SLC18B1: variants seen among roughly 807,000 people sequenced by gnomAD.
The protein encoded by SLC18B1 is MFS-type transporter SLC18B1.
A neutral mutation model predicts 53.9 loss-of-function variants in SLC18B1; 62 were observed. The ratio of observed to expected loss-of-function variants is 1.15; its 90% CI spans 0.94 to 1.42. The LOEUF (loss-of-function observed/expected upper bound fraction) is 1.42. Ranked by LOEUF, SLC18B1 falls within the 40% of genes most tolerant of loss-of-function variation. SLC18B1 has a pLI of 0.00. For missense variants in SLC18B1, 598 were observed against 547.3 expected (o/e 1.09, Z -0.93); for synonymous variants, 217 against 200.9 (o/e 1.08, Z -0.68).
intron 3 of SLC18B1, 47 bp from the exon 4 acceptor site, chr6:132,789,884 G>T: frequency 7.5e-7 from 1 of 1,335,454 alleles, no homozygotes; most frequent in Non-Finnish European, 1.1e-6. Flanking sequence ...ACTTCCGAAA[G>T]TCTATATTGA....
At chr6:132,796,532 G>GAAAAAAAAAAAAAAAA (rs56286125) in intron 2 of SLC18B1, among the ~76,000 whole-genome samples, 1 of 77,890 alleles carries the variant, frequency 1.3e-5, no homozygotes, top group African/African-American at 4.9e-5. Context: ...GTCTCGAAAG[G>GAAAAAAAAAAAAAAAA]AAAAAAAAAA....
chr6:132,786,984 G>A (rs901702032), intron 5 of SLC18B1, among the ~76,000 whole-genome samples: 4 of 152,192 alleles, frequency 2.6e-5, no homozygotes, highest in African/African-American at 9.7e-5. Flanking sequence ...AGGACTTTGA[G>A]ATGATTTCTA....
intron 8 of SLC18B1, among the ~76,000 whole-genome samples, chr6:132,774,765 G>T (rs1781060231): frequency 2.0e-5 from 3 of 151,980 alleles, no homozygotes; most frequent in South Asian, 4.1e-4. Context: ...ACAAAAATTA[G>T]CTGGGCAGGG....
intron 13 of SLC18B1, 24 bp downstream of exon 13, chr6:132,770,866 A>G (rs771856913): frequency 3.8e-6 from 6 of 1,591,630 alleles, no homozygotes; most frequent in East Asian, 4.5e-5. Context: ...AAAGAGAGAA[A>G]AAAAGCCCCA....
At chr6:132,794,199 G>A (rs1036844680) in intron 2 of SLC18B1, among the ~76,000 whole-genome samples, 4 of 151,394 alleles carry the variant, frequency 2.6e-5, no homozygotes, top group Admixed American at 2.6e-4. Context: ...CACCTCCTGG[G>A]TTCAAGCAAT....
intron 11 of SLC18B1, 39 bp from the exon 12 acceptor site, chr6:132,771,168 AAAAT>A: frequency 1.3e-6 from 2 of 1,539,082 alleles, no homozygotes; most frequent in Middle Eastern, 1.7e-4. Flanking sequence ...AATAGTGCAA[AAAAT>A]AAATAATTAC....
At position 132,772,193 on chromosome 6, in the gene SLC18B1, CA is replaced by C; in HGVS notation, c.1098del (p.Phe366LeufsTer5). On this transcript the variant is annotated frameshift_variant, in exon 11 of 14. Coordinates refer to ENST00000275227, the MANE Select transcript of SLC18B1 (RefSeq NM_052831.3). LOFTEE classifies it high-confidence loss of function. ...AGTCCCAATGTACTTAATCCCTCTT[CA>C]AACCCATTTTCACTGCAAAAAGAGA... ...EILSCAHENG[F>X]EEGLSTLGLV... is the part of the protein sequence containing the mutation. 1 of 1,570,912 alleles carries C rather than the reference CA, an allele frequency of 6.4e-7. No homozygotes were observed. Among genetic ancestry groups the C allele is most frequent in the Non-Finnish European group, 8.6e-7 (1 of 1,165,090 alleles).
intron 2 of SLC18B1, 27 bp from the exon 3 acceptor site, chr6:132,790,299 G>C: frequency 1.4e-6 from 2 of 1,472,928 alleles, no homozygotes; most frequent in Non-Finnish European, 1.8e-6. Context: ...CGGAAACAAA[G>C]TTTCAAAGAA....
At chr6:132,795,367 T>C (rs1781649692) in intron 2 of SLC18B1, among the ~76,000 whole-genome samples, 1 of 152,170 alleles carries the variant, frequency 6.6e-6, no homozygotes, top group Non-Finnish European at 1.5e-5. Context: ...AACCTCTAGT[T>C]AATAGAACTG....
At chr6:132,785,002 G>A (rs1227489043) in intron 5 of SLC18B1, among the ~76,000 whole-genome samples, 1 of 149,318 alleles carries the variant, frequency 6.7e-6, no homozygotes, top group African/African-American at 2.5e-5. Context: ...TACCATTTGT[G>A]TAAAGAAAAA....
chr6:132,794,724 C>T (rs1309037939), intron 2 of SLC18B1, among the ~76,000 whole-genome samples: 9 of 152,134 alleles, frequency 5.9e-5, no homozygotes, highest in African/African-American at 9.7e-5. Flanking sequence ...AGGCCAGGTG[C>T]GGTGGCTCAC....
At chr6:132,779,520 C>A in intron 6 of SLC18B1, 116 bp from the exon 7 acceptor site, 2 of 1,180,518 alleles carry the variant, frequency 1.7e-6, no homozygotes, top group South Asian at 1.6e-5. Flanking sequence ...ATGACTCAAT[C>A]TCTGAGTTTG....
chr6:132,781,757 T>TA (rs67568708), intron 6 of SLC18B1, among the ~76,000 whole-genome samples: 355 of 136,986 alleles, frequency 2.6e-3, no homozygotes, highest in Non-Finnish European at 4.0e-3. Context: ...ACTCTGTCTT[T>TA]AAAAAAAAAA....
At chr6:132,797,200 T>C in intron 1 of SLC18B1, 79 bp from the exon 2 acceptor site, 1 of 1,535,436 alleles carries the variant, frequency 6.5e-7, no homozygotes, top group Non-Finnish European at 8.9e-7. Flanking sequence ...TCTGTGCACA[T>C]ATGTTGCACT....
intron 6 of SLC18B1, among the ~76,000 whole-genome samples, chr6:132,780,270 TA>T (rs1276537591): frequency 3.3e-5 from 5 of 151,954 alleles, no homozygotes; most frequent in Admixed American, 1.3e-4. Flanking sequence ...CTAGCTAATT[TA>T]AAAATTTTTT....
At chr6:132,798,232 A>G (rs143829542) in intron 1 of SLC18B1, among the ~76,000 whole-genome samples, 182 bp downstream of exon 1, 72 of 152,356 alleles carry the variant, frequency 4.7e-4, no homozygotes, top group African/African-American at 1.7e-3. Context: ...CACATATCCA[A>G]TCCTGGAACT....
intron 8 of SLC18B1, among the ~76,000 whole-genome samples, chr6:132,775,238 A>G (rs1386596739): frequency 6.6e-6 from 1 of 152,220 alleles, no homozygotes; most frequent in East Asian, 1.9e-4. Context: ...TCAGACATCA[A>G]ATCTGCCAGT....
At chr6:132,770,571 A>G (rs1780943898) in intron 13 of SLC18B1, among the ~76,000 whole-genome samples, 1 of 152,110 alleles carries the variant, frequency 6.6e-6, no homozygotes, top group Non-Finnish European at 1.5e-5. Flanking sequence ...CCCTGTCTCT[A>G]CTAAAAATAC....
intron 2 of SLC18B1, among the ~76,000 whole-genome samples, chr6:132,793,251 GTTAGC>G (rs1467041248): frequency 6.6e-6 from 1 of 152,218 alleles, no homozygotes; most frequent in African/African-American, 2.4e-5. Context: ...CCTTTGCCCA[GTTAGC>G]TTAGCTAATA....
Sources: allele counts gnomAD v4.1 joint callset (sites outside exome capture counted in the v4.1 genomes callset), GRCh38; gene constraint gnomAD v4.1.1; transcripts MANE v1.5; gene names NCBI Gene and HGNC (gene_info 2026-07-23, HGNC 2026-07-21).